COL12A1: variants seen among roughly 807,000 people sequenced by gnomAD.
COL12A1 encodes collagen alpha-1(XII) chain.
COL12A1 carries 114 observed loss-of-function variants against 349.7 expected under a neutral mutation model. The observed-to-expected ratio is 0.33, with a 90% CI of 0.28 to 0.38. COL12A1 has a LOEUF of 0.38. Ranked by LOEUF, COL12A1 falls within the 10% of genes least tolerant of loss-of-function variation. The probability of loss-of-function intolerance (pLI) is 1.00; values close to 1 mark genes in which losing one functional copy is unlikely to be tolerated. For missense variants in COL12A1, 3,284 were observed against 3,756.9 expected, an observed-to-expected ratio of 0.87 and a Z score of 3.29; for synonymous variants, 1,369 against 1,329.0, an observed-to-expected ratio of 1.03 and a Z score of -0.66.
intron 65 of COL12A1, chr6:75,087,231 G>A (rs184137347): frequency 1.6e-3 from 476 of 306,048 alleles, no homozygotes; most frequent in Non-Finnish European, 2.4e-3. Flanking sequence ...CATATTCTTG[G>A]CATTTTACAG....
intron 8 of COL12A1, 149 bp from the exon 9 acceptor site, chr6:75,184,293 T>A: frequency 2.4e-6 from 2 of 848,140 alleles, no homozygotes; most frequent in Non-Finnish European, 3.5e-6. Context: ...AGTCCCCAAT[T>A]TCACATGTCC....
intron 16 of COL12A1, 66 bp from the exon 17 acceptor site, chr6:75,154,603 T>G: frequency 1.3e-6 from 2 of 1,491,972 alleles, no homozygotes; most frequent in Non-Finnish European, 1.8e-6. Context: ...ACTTTTTTTT[T>G]GCTTTGTTAA....
intron 2 of COL12A1, among the ~76,000 whole-genome samples, chr6:75,197,590 G>A (rs1770299585): frequency 6.6e-6 from 1 of 152,032 alleles, no homozygotes; most frequent in African/African-American, 2.4e-5. Context: ...GGGATTGTAG[G>A]AATAAGCCAC....
At chr6:75,119,213 A>T in intron 45 of COL12A1, 27 bp from the exon 46 acceptor site, 1 of 1,613,780 alleles carries the variant, frequency 6.2e-7, no homozygotes, top group Non-Finnish European at 8.5e-7. Context: ...GGAAAATTTT[A>T]GTGTCACTTC....
At chr6:75,156,657 C>A in intron 14 of COL12A1, 134 bp from the exon 15 acceptor site, 1 of 866,378 alleles carries the variant, frequency 1.2e-6, no homozygotes, top group South Asian at 1.8e-5. Flanking sequence ...GCATTGTAAT[C>A]TCTCATAAAT....
chr6:75,156,269 A>G lies in COL12A1; in HGVS notation c.3238T>C (p.Ser1080Pro). The change falls in exon 15 of 66, where the codon TCA becomes CCA. Residue 1080 changes from serine (S) to proline (P), a missense_variant. Transcript: ENST00000322507. ...KMGEGKLRQGSGTTASRFKSP... is the reference protein window; with the variant it reads ...KMGEGKLRQGPGTTASRFKSP... ...TATTATTTCATACCTGTTGTTCCTG[A>G]TCCTTGCCTAAGCTTTCCTTCTCCC... 1 of 1,613,766 alleles carries G rather than the reference A, an allele frequency of 6.2e-7. No homozygotes were observed. Among genetic ancestry groups the G allele is most frequent in the Non-Finnish European group, 8.5e-7 (1 of 1,179,770 alleles).
intron 52 of COL12A1, among the ~76,000 whole-genome samples, chr6:75,107,093 C>T (rs1000403174): frequency 2.0e-5 from 3 of 150,798 alleles, no homozygotes; most frequent in African/African-American, 4.9e-5. Flanking sequence ...GTAATAGAGG[C>T]GGGGTTTTAC....
chr6:75,123,506 G>A (rs1765851462), intron 42 of COL12A1, 102 bp from the exon 43 acceptor site: 3 of 961,354 alleles, frequency 3.1e-6, no homozygotes, highest in African/African-American at 1.7e-5. Context: ...ACCAAATCAA[G>A]TCGTACAAAA....
chr6:75,131,804 C>G, intron 35 of COL12A1, 136 bp downstream of exon 35: 1 of 972,494 alleles, frequency 1.0e-6, no homozygotes, highest in East Asian at 2.7e-5. Flanking sequence ...ACACCTACCT[C>G]AAGTCATCAA....
chr6:75,163,212 C>G (rs771647856), intron 14 of COL12A1, among the ~76,000 whole-genome samples: 2 of 152,100 alleles, frequency 1.3e-5, no homozygotes, highest in Non-Finnish European at 2.9e-5. Flanking sequence ...CACAAGCACA[C>G]GTATGTTTAT....
At chr6:75,166,006 C>T (rs909235531) in intron 13 of COL12A1, among the ~76,000 whole-genome samples, 12 of 152,004 alleles carry the variant, frequency 7.9e-5, no homozygotes, top group Non-Finnish European at 1.3e-4. Flanking sequence ...ACTTTGCCCT[C>T]ATATGCCTAG....
At chr6:75,095,306 A>G (rs1364522782) in intron 59 of COL12A1, 127 bp from the exon 60 acceptor site, 1 of 710,524 alleles carries the variant, frequency 1.4e-6, no homozygotes, top group East Asian at 2.9e-5. Flanking sequence ...CAGGAAAAAT[A>G]AAACCAAATT....
At chr6:75,129,977 A>C in intron 37 of COL12A1, 114 bp downstream of exon 37, 2 of 1,237,408 alleles carry the variant, frequency 1.6e-6, no homozygotes, top group South Asian at 1.5e-5. Context: ...AAAATCCTAA[A>C]GTGTGACTAT....
Position 75,154,457 on chromosome 6 carries a change from G to A in COL12A1, c.3524C>T (p.Thr1175Ile), listed in dbSNP as rs1767653429. The change falls in exon 17 of 66, where the codon ACA becomes ATA. Residue 1175 changes from threonine to isoleucine, a missense_variant. By Grantham distance (89) the Thr-to-Ile change is moderately conservative (BLOSUM62 -1). Coordinates refer to ENST00000322507, the MANE Select transcript of COL12A1 (RefSeq NM_004370.6). ...CATAACAGTTGTGTCGGAAAGGGTT[G>A]TCATTTCTTGTCCAACAAGTGGTGA... is the stretch of plus-strand genomic sequence containing the variant. ...ESSPLVGQEM[T>I]TLSDTTVMPI... The A allele has an allele frequency of 6.2e-7, 1 of 1,612,698 alleles. No homozygotes were observed. Among genetic ancestry groups the A allele is most frequent in the Non-Finnish European group, 8.5e-7 (1 of 1,179,218 alleles).
chr6:75,131,690 C>A (rs1179417914), intron 35 of COL12A1, among the ~76,000 whole-genome samples: 1 of 152,174 alleles, frequency 6.6e-6, no homozygotes, highest in Non-Finnish European at 1.5e-5. Flanking sequence ...GACATATTGA[C>A]AAGGTCTAGC....
chr6:75,159,649 C>T (rs1040556156), intron 14 of COL12A1, among the ~76,000 whole-genome samples: 1 of 151,624 alleles, frequency 6.6e-6, no homozygotes, highest in Non-Finnish European at 1.5e-5. Context: ...TACATTTTCT[C>T]ATCTTTTGTT....
chr6:75,179,263 C>T (rs930149098), intron 11 of COL12A1, among the ~76,000 whole-genome samples: 1 of 152,096 alleles, frequency 6.6e-6, no homozygotes, highest in African/African-American at 2.4e-5. Context: ...AGACCAATGA[C>T]CAAAAACTAG....
chr6:75,133,175 T>C, intron 34 of COL12A1, 118 bp downstream of exon 34: 1 of 959,296 alleles, frequency 1.0e-6, no homozygotes, highest in Admixed American at 3.2e-5. Flanking sequence ...GGCTAATTTT[T>C]ATGTTTTTAA....
chr6:75,188,409 C>A lies in COL12A1; in HGVS notation c.950G>T (p.Cys317Phe). The A allele has an allele frequency of 6.2e-7, 1 of 1,613,540 alleles. No individual in the cohort carries two copies. Among genetic ancestry groups the A allele is most frequent in the Non-Finnish European group, 8.5e-7 (1 of 1,179,648 alleles). Residue 317 changes from cysteine to phenylalanine, a missense_variant, in exon 8 of 66, where the codon TGC becomes TTC. Physicochemically the swap from Cys to Phe is radical, Grantham distance 205. Transcript: ENST00000322507. ...DIQNEIISQV[C>F]SGVDEQLGEL... Reference sequence around the variant, plus strand: ...ACCAAGTTGTTCATCAACACCTGAGCACACCTGGGAGATGATCTCATTCTG... The same window carrying A: ...ACCAAGTTGTTCATCAACACCTGAGAACACCTGGGAGATGATCTCATTCTG...
Sources: allele counts gnomAD v4.1 joint callset (sites outside exome capture counted in the v4.1 genomes callset), GRCh38; gene constraint gnomAD v4.1.1; transcripts MANE v1.5; gene names NCBI Gene and HGNC (gene_info 2026-07-23, HGNC 2026-07-21).